SLC4A5: variants seen among roughly 807,000 people sequenced by gnomAD.
SLC4A5 encodes solute carrier family 4 member 5, also known as electrogenic sodium bicarbonate cotransporter 4.
SLC4A5 carries 96 observed loss-of-function variants against 120.4 expected under a neutral mutation model. The ratio of observed to expected loss-of-function variants is 0.80; its 90% CI spans 0.68 to 0.94. The LOEUF (loss-of-function observed/expected upper bound fraction) is 0.94, where lower values mean the gene tolerates loss of function less well. SLC4A5 is among the 40% of genes least tolerant of loss of function. SLC4A5 has a pLI of 0.00. For synonymous variants in SLC4A5, 550 were observed against 571.1 expected, an observed-to-expected ratio of 0.96 and a Z score of 0.53; for missense variants, 1,259 against 1,459.5, an observed-to-expected ratio of 0.86 and a Z score of 2.24.
Position 74,235,092 on chromosome 2 carries a change from G to T in SLC4A5, c.2433+9C>A. The T allele has an allele frequency of 6.2e-7, 1 of 1,609,606 alleles. No individual in the cohort carries two copies. Among genetic ancestry groups the T allele is most frequent in the Non-Finnish European group, 8.5e-7 (1 of 1,176,078 alleles). ...GACTGGATGCCCAGAGCGAGGGAAA[G>T]GGGCAAACCTTGATGACACTGGGCA... On this transcript the variant is annotated intron_variant, in intron 22 of 30. Coordinates refer to ENST00000394019, the Ensembl canonical transcript of SLC4A5.
At chr2:74,252,216 T>C (rs553234145) in exon 16 of SLC4A5, 2 of 1,612,708 alleles carry the variant, frequency 1.2e-6, no homozygotes, top group Non-Finnish European at 1.7e-6. Context: ...ATTTCATGCA[T>C]GGCTGGCATC....
intron 7 of SLC4A5, among the ~76,000 whole-genome samples, chr2:74,300,312 G>T (rs1672441267): frequency 6.6e-6 from 1 of 152,156 alleles, no homozygotes; most frequent in South Asian, 2.1e-4. Context: ...CTTGAAATTT[G>T]CTTAGAGAGA....
At chr2:74,243,570 T>C (rs1325918988) in intron 19 of SLC4A5, among the ~76,000 whole-genome samples, 1 of 152,182 alleles carries the variant, frequency 6.6e-6, no homozygotes, top group Non-Finnish European at 1.5e-5. Flanking sequence ...CAATTAATGA[T>C]GGAGACAGAG....
intron 30 of SLC4A5, 90 bp downstream of exon 30, chr2:74,221,344 G>C (rs1192405636): frequency 4.1e-6 from 4 of 977,298 alleles, no homozygotes; most frequent in Non-Finnish European, 6.2e-6. Flanking sequence ...TGAGAGGACA[G>C]CTAGCTTGGG....
chr2:74,298,006 G>C (rs1375800970), intron 7 of SLC4A5, among the ~76,000 whole-genome samples: 3 of 152,150 alleles, frequency 2.0e-5, no homozygotes, highest in Admixed American at 2.0e-4. Context: ...CACAGTCTTT[G>C]GAGTCAATAG....
At chr2:74,286,134 G>T (rs927195704) in intron 7 of SLC4A5, among the ~76,000 whole-genome samples, 1 of 152,210 alleles carries the variant, frequency 6.6e-6, no homozygotes, top group African/African-American at 2.4e-5. Context: ...CAGATCCAGG[G>T]TCTTGCAGCT....
At chr2:74,231,197 T>G in intron 25 of SLC4A5, 39 bp downstream of exon 25, 1 of 1,583,524 alleles carries the variant, frequency 6.3e-7, no homozygotes, top group East Asian at 2.3e-5. Flanking sequence ...CTCTGCTTTC[T>G]CAGGCAACGA....
chr2:74,310,929 T>C (rs1672786195), intron 6 of SLC4A5, among the ~76,000 whole-genome samples: 1 of 151,790 alleles, frequency 6.6e-6, no homozygotes, highest in South Asian at 2.1e-4. Flanking sequence ...CATGAAGGCC[T>C]GTTGCTCTTT....
At chr2:74,285,950 G>C in intron 7 of SLC4A5, 48 bp from the exon 8 acceptor site, 1 of 1,525,458 alleles carries the variant, frequency 6.6e-7, no homozygotes, top group Non-Finnish European at 8.8e-7. Context: ...TGGAAGGCAG[G>C]AGGACCACAA....
At chr2:74,264,362 T>A in intron 9 of SLC4A5, 63 bp from the exon 10 acceptor site, 2 of 1,531,306 alleles carry the variant, frequency 1.3e-6, no homozygotes, top group Non-Finnish European at 1.8e-6. Context: ...TATGGAAGTC[T>A]TCAGTTTCAC....
At chr2:74,299,480 C>T (rs553749388) in intron 7 of SLC4A5, among the ~76,000 whole-genome samples, 1 of 152,318 alleles carries the variant, frequency 6.6e-6, no homozygotes, top group Admixed American at 6.5e-5. Flanking sequence ...GATTGTGAGC[C>T]CTCCCCAACC....
chr2:74,259,450 T>A, intron 12 of SLC4A5, 138 bp downstream of exon 12: 1 of 973,222 alleles, frequency 1.0e-6, no homozygotes, highest in South Asian at 1.4e-5. Context: ...CAGCCCAGAG[T>A]CCCCACTGGG....
Position 74,225,014 on chromosome 2 carries a change from A to T in SLC4A5, c.3091-19T>A. ...CCAGGATCTGTGGTGGAGAGAGACT[A>T]AAGTTTTGTGAGAATTTGGAGAAAA... On this transcript the variant is annotated intron_variant, in intron 27 of 30. Transcript: ENST00000394019. 1 of 1,596,562 alleles carries T rather than the reference A, an allele frequency of 6.3e-7. No individual in the cohort carries two copies.
intron 21 of SLC4A5, among the ~76,000 whole-genome samples, chr2:74,237,227 G>A (rs1670297865): frequency 6.6e-6 from 1 of 152,098 alleles, no homozygotes. Context: ...CCGCCTGCCT[G>A]GGCCTCCCAA....
chr2:74,242,861 C>T (rs1670491421), intron 19 of SLC4A5, among the ~76,000 whole-genome samples: 1 of 152,146 alleles, frequency 6.6e-6, no homozygotes, highest in African/African-American at 2.4e-5. Context: ...ACCATGTTGG[C>T]CAGGCTGGTC....
At chr2:74,233,840 A>G (rs940342876) in intron 22 of SLC4A5, among the ~76,000 whole-genome samples, 1 of 152,228 alleles carries the variant, frequency 6.6e-6, no homozygotes, top group African/African-American at 2.4e-5. Flanking sequence ...GTCAGAGGGC[A>G]GCCAGGAGAG....
At chr2:74,219,116 T>C (rs760035460) in intron 30 of SLC4A5, among the ~76,000 whole-genome samples, 4 of 151,920 alleles carry the variant, frequency 2.6e-5, no homozygotes, top group Non-Finnish European at 4.4e-5. Context: ...CAGTCTTCTG[T>C]GTTTGTAGTC....
intron 4 of SLC4A5, among the ~76,000 whole-genome samples, chr2:74,330,126 C>T (rs568552173): frequency 2.4e-5 from 2 of 84,234 alleles, no homozygotes; most frequent in African/African-American, 4.9e-5. Context: ...AGATGGTGGT[C>T]GTGAGGTGTA....
chr2:74,218,339 T>C (rs1694508625), exon 31 of SLC4A5: 1 of 152,252 alleles, frequency 6.6e-6, no homozygotes, highest in African/African-American at 2.4e-5. Context: ...ATCTTAGCTA[T>C]GGTTTGGGGA....
Sources: allele counts gnomAD v4.1 joint callset (sites outside exome capture counted in the v4.1 genomes callset), GRCh38; gene constraint gnomAD v4.1.1; transcripts MANE v1.5; gene names NCBI Gene and HGNC (gene_info 2026-07-23, HGNC 2026-07-21).